Variants in RCAN2 observed in about 807,000 individuals in gnomAD.
RCAN2 encodes regulator of calcineurin 2.
In RCAN2, 9 loss-of-function variants were observed where a neutral mutation model predicts 23.6. The ratio of observed to expected loss-of-function variants is 0.38; its 90% CI spans 0.23 to 0.67. The LOEUF (loss-of-function observed/expected upper bound fraction) is 0.67. RCAN2 is among the 30% of genes least tolerant of loss of function. The pLI is 0.51. For synonymous variants in RCAN2, 109 were observed against 115.7 expected, an observed-to-expected ratio of 0.94 and a Z score of 0.37; for missense variants, 273 against 302.3, an observed-to-expected ratio of 0.90 and a Z score of 0.72.
Position 46,467,157 on chromosome 6 carries a change from G to A in RCAN2, c.-2-10179C>T, listed in dbSNP as rs1768408855. 3.3e-5 allele frequency among the ~76,000 whole-genome samples: 5 copies of A among 152,304 alleles called. No individual in the cohort carries two copies. In the South Asian group the frequency reaches 1.0e-3, roughly 32 times the overall value. ...ATCTTCCACCCAATGTTGAGCGCAGGAGCTGTGTCTTACCTGCCTGCATAA... is the reference window on the plus strand; with the variant it reads ...ATCTTCCACCCAATGTTGAGCGCAGAAGCTGTGTCTTACCTGCCTGCATAA... On this transcript the variant is annotated intron_variant, in intron 1 of 4. Coordinates refer to ENST00000371374, the MANE Select transcript of RCAN2 (RefSeq NM_001251974.2).
intron 2 of RCAN2, among the ~76,000 whole-genome samples, chr6:46,280,882 GGTGT>G (rs150448313): frequency 6.6e-6 from 1 of 151,860 alleles, no homozygotes. Flanking sequence ...TGTGTGTAGG[GGTGT>G]GTGTGTGTAT....
chr6:46,404,919 G>A (rs909325076), intron 2 of RCAN2, among the ~76,000 whole-genome samples: 1 of 152,190 alleles, frequency 6.6e-6, no homozygotes, highest in African/African-American at 2.4e-5. Flanking sequence ...TCTCATGAGT[G>A]TATTGTAAAG....
At chr6:46,384,054 G>A (rs974715920) in intron 2 of RCAN2, among the ~76,000 whole-genome samples, 4 of 152,154 alleles carry the variant, frequency 2.6e-5, no homozygotes, top group African/African-American at 4.8e-5. Flanking sequence ...GAGGGATCCC[G>A]CGCAGTAGCT....
At chr6:46,338,943 AG>A (rs1764221544) in intron 2 of RCAN2, among the ~76,000 whole-genome samples, 1 of 106,358 alleles carries the variant, frequency 9.4e-6, no homozygotes, top group African/African-American at 2.8e-5. Context: ...TGAACCCAGG[AG>A]GTGGAGGTTG....
In RCAN2 at chr6:46,456,888, C is replaced by T. The variant is rs200994689; in HGVS notation, c.89G>A (p.Cys30Tyr). 8.4e-6 allele frequency: 13 copies of T among 1,550,526 alleles called. No individual in the cohort carries two copies. Among genetic ancestry groups the T allele is most frequent in the Non-Finnish European group, 9.6e-6 (11 of 1,146,958 alleles). The change falls in exon 2 of 5, where the codon TGC becomes TAC. Residue 30 changes from cysteine (C) to tyrosine (Y), a missense_variant. Coordinates refer to ENST00000371374, the MANE Select transcript of RCAN2 (RefSeq NM_001251974.2). ...PEDGGLFLLC[C>Y]IDRDWAVTRC... ...AGTGACAGCCCAGTCCCTGTCTATG[C>T]AGCACAGTAAGAAAAGTCCTCCATC...
intron 2 of RCAN2, among the ~76,000 whole-genome samples, chr6:46,373,363 C>T (rs1179094557): frequency 6.6e-6 from 1 of 152,082 alleles, no homozygotes; most frequent in Non-Finnish European, 1.5e-5. Flanking sequence ...CGCCCAGGTT[C>T]CAGTGATTCT....
intron 1 of RCAN2, among the ~76,000 whole-genome samples, chr6:46,467,677 C>T (rs558728539): frequency 2.6e-5 from 4 of 152,244 alleles, no homozygotes; most frequent in African/African-American, 7.2e-5. Flanking sequence ...CATCTCTGGG[C>T]ACCATATGCA....
intron 2 of RCAN2, among the ~76,000 whole-genome samples, chr6:46,278,630 TCA>T (rs1416561060): frequency 1.3e-5 from 2 of 152,166 alleles, no homozygotes; most frequent in Non-Finnish European, 2.9e-5. Context: ...CACAAGAAAA[TCA>T]CACATAATGT....
Position 46,303,372 on chromosome 6 carries a change from C to T in RCAN2, c.226-54476G>A, listed in dbSNP as rs374173554. Among the ~76,000 whole-genome samples the T allele has an allele frequency of 4.6e-5, 7 of 152,034 alleles. No individual in the cohort carries two copies. The East Asian group carries it at 5.8e-4, about 13-fold the overall frequency. On this transcript the variant is annotated intron_variant, in intron 2 of 4. Transcript: ENST00000371374. ...CCAAAACTGTTACTTCCCAGGATTACGTGGCTAATTAGTTAACAGTTAAAA... is the reference window on the plus strand; with the variant it reads ...CCAAAACTGTTACTTCCCAGGATTATGTGGCTAATTAGTTAACAGTTAAAA...
Position 46,360,511 on chromosome 6 carries a change from G to C in RCAN2, c.225+96241C>G, listed in dbSNP as rs113203872. Among the ~76,000 whole-genome samples, 1,230 of 133,750 alleles carry C rather than the reference G, an allele frequency of 9.2e-3. 18 individuals are homozygous for C. The highest frequency in any genetic ancestry group is 0.03 in the African/African-American group (1,118 of 37,362). 87.7% of individuals were successfully genotyped at this position (133,750 alleles called of 152,430 possible). A position where few individuals can be genotyped will look rare whatever the true frequency, so the allele number is the denominator to read the frequency against. On this transcript the variant is annotated intron_variant, in intron 2 of 4. Transcript: ENST00000371374. The stretch of plus-strand genomic sequence containing the variant: ...ATCGTGCCACTACACTCCAGCCTGG[G>C]CGACAGAGCAAGACTCCGTCTCAAA...
chr6:46,383,873 C>CT (rs1007807382), intron 2 of RCAN2, among the ~76,000 whole-genome samples: 3 of 152,058 alleles, frequency 2.0e-5, no homozygotes, highest in Admixed American at 6.6e-5. Flanking sequence ...GTATATGCTT[C>CT]TTTTTTTTCT....
rs1201301751 is a variant in RCAN2, at chr6:46,341,982, C to T, written c.226-93086G>A. Reference sequence around the variant, plus strand: ...GTTATAAAATGGCAGGTTGATTATACATATTCACAACTGCTTAGATTGGGA... The same window carrying T: ...GTTATAAAATGGCAGGTTGATTATATATATTCACAACTGCTTAGATTGGGA... On this transcript the variant is annotated intron_variant, in intron 2 of 4. Coordinates refer to ENST00000371374, the MANE Select transcript of RCAN2 (RefSeq NM_001251974.2). Among the ~76,000 whole-genome samples the T allele has an allele frequency of 2.0e-5, 3 of 151,722 alleles. No homozygotes were observed. In the East Asian group the frequency reaches 5.8e-4, roughly 30 times the overall value.
At chr6:46,225,303 T>A (rs937244399) in intron 4 of RCAN2, among the ~76,000 whole-genome samples, 1 of 152,228 alleles carries the variant, frequency 6.6e-6, no homozygotes, top group Non-Finnish European at 1.5e-5. Flanking sequence ...TACCCAGTAA[T>A]GGGATGGCTG....
At chr6:46,409,443 G>A (rs188193780) in intron 2 of RCAN2, among the ~76,000 whole-genome samples, 33 of 152,098 alleles carry the variant, frequency 2.2e-4, no homozygotes, top group Admixed American at 9.2e-4. Flanking sequence ...ACTTTTGTGG[G>A]ATCACATTTC....
chr6:46,441,545 T>G (rs986457566), intron 2 of RCAN2, among the ~76,000 whole-genome samples: 5 of 152,280 alleles, frequency 3.3e-5, no homozygotes, highest in Admixed American at 6.5e-5. Flanking sequence ...TAAAAATTTT[T>G]TGGGGGGAAA....
At chr6:46,230,227 G>A (rs1765832823) in intron 4 of RCAN2, among the ~76,000 whole-genome samples, 1 of 152,192 alleles carries the variant, frequency 6.6e-6, no homozygotes, top group South Asian at 2.1e-4. Context: ...CAGGGGTCAG[G>A]GAACCACTTG....
intron 2 of RCAN2, among the ~76,000 whole-genome samples, chr6:46,420,164 C>T (rs1267363131): frequency 6.6e-6 from 1 of 151,264 alleles, no homozygotes; most frequent in African/African-American, 2.4e-5. Context: ...GCCATACAAC[C>T]CTCACATTAA....
At chr6:46,224,346 A>G (rs1381490597) in intron 4 of RCAN2, among the ~76,000 whole-genome samples, 1 of 152,176 alleles carries the variant, frequency 6.6e-6, no homozygotes, top group Non-Finnish European at 1.5e-5. Context: ...CAAAAACAAT[A>G]ACTCCCAGAT....
chr6:46,457,789 C>A (rs997987566), intron 1 of RCAN2, among the ~76,000 whole-genome samples: 1 of 152,136 alleles, frequency 6.6e-6, no homozygotes, highest in Non-Finnish European at 1.5e-5. Context: ...CACAGGTCCC[C>A]GTCCCTCCTT....
Sources: allele counts gnomAD v4.1 joint callset (sites outside exome capture counted in the v4.1 genomes callset), GRCh38; gene constraint gnomAD v4.1.1; transcripts MANE v1.5; gene names NCBI Gene and HGNC (gene_info 2026-07-23, HGNC 2026-07-21).